Variants in CDH11 observed in about 807,000 individuals in gnomAD.
CDH11 encodes cadherin 11.
Under a neutral mutation model 67.8 loss-of-function variants are expected in CDH11, and 11 were observed. The observed-to-expected ratio is 0.16, with a 90% CI of 0.10 to 0.27. The LOEUF (loss-of-function observed/expected upper bound fraction) is 0.27, where lower values mean the gene tolerates loss of function less well. CDH11 is among the 10% of genes least tolerant of loss of function. CDH11 has a pLI of 1.00. For synonymous variants in CDH11, 419 were observed against 400.0 expected, an observed-to-expected ratio of 1.05 and a Z score of -0.57; for missense variants, 847 against 1,031.2, an observed-to-expected ratio of 0.82 and a Z score of 2.45.
chr16:65,114,649 G>GCAGGCAGGAGGGAACGC (rs1410816837), intron 1 of CDH11, among the ~76,000 whole-genome samples: 5 of 152,102 alleles, frequency 3.3e-5, no homozygotes, highest in Non-Finnish European at 7.3e-5. Context: ...ATTGCAAGGT[G>GCAGGCAGGAGGGAACGC]CAGGCAGGAG....
intron 1 of CDH11, among the ~76,000 whole-genome samples, chr16:65,073,731 T>C (rs891880646): frequency 6.6e-6 from 1 of 152,218 alleles, no homozygotes; most frequent in African/African-American, 2.4e-5. Context: ...AGTGTGCTTC[T>C]GTCACTGTAA....
rs915936573 is a variant in CDH11, at chr16:65,053,518, C to T, written c.-173+286G>A. Among the ~76,000 whole-genome samples, 8 of 152,198 alleles carry T rather than the reference C, an allele frequency of 5.3e-5. No homozygotes were observed. In the East Asian group the frequency reaches 1.5e-3, roughly 29 times the overall value. ...CTCAGTTGGCCTGTTCAGCCGGGTC[C>T]TTGCTAAACAATTATAATCCCTTTA... On this transcript the variant is annotated intron_variant, in intron 2 of 12. Coordinates refer to ENST00000268603, the MANE Select transcript of CDH11 (RefSeq NM_001797.4).
At chr16:64,953,273 T>C (rs1484795256) in intron 11 of CDH11, among the ~76,000 whole-genome samples, 1 of 147,956 alleles carries the variant, frequency 6.8e-6, no homozygotes, top group Non-Finnish European at 1.5e-5. Context: ...TATATAGATA[T>C]ATATATATGT....
At chr16:65,075,053 G>A (rs1344661563) in intron 1 of CDH11, among the ~76,000 whole-genome samples, 6 of 152,124 alleles carry the variant, frequency 3.9e-5, no homozygotes. Flanking sequence ...GTACACCCTG[G>A]CAAACATAAG....
chr16:65,091,695 G>A (rs1355333596), intron 1 of CDH11, among the ~76,000 whole-genome samples: 1 of 151,922 alleles, frequency 6.6e-6, no homozygotes, highest in East Asian at 1.9e-4. Context: ...GAGACTACAG[G>A]CGCCCACCAC....
intron 1 of CDH11, among the ~76,000 whole-genome samples, chr16:65,065,875 GCCTGCTATGTT>G (rs1309212156): frequency 6.6e-6 from 1 of 152,204 alleles, no homozygotes; most frequent in South Asian, 2.1e-4. Flanking sequence ...CAATAGCCAA[GCCTGCTATGTT>G]CCAGATACTG....
upstream of CDH11, among the ~76,000 whole-genome samples, chr16:65,123,323 C>T (rs1285804454): frequency 6.6e-6 from 1 of 151,574 alleles, no homozygotes; most frequent in East Asian, 2.0e-4. Flanking sequence ...CCTAGGGGGA[C>T]GGGGATGAGG....
At chr16:65,042,016 G>A (rs1206808648) in intron 2 of CDH11, among the ~76,000 whole-genome samples, 1 of 152,232 alleles carries the variant, frequency 6.6e-6, no homozygotes, top group African/African-American at 2.4e-5. Context: ...CAGGCTCCAG[G>A]CTTCTGCCCC....
At chr16:65,077,023 T>C (rs888806087) in intron 1 of CDH11, among the ~76,000 whole-genome samples, 3 of 152,086 alleles carry the variant, frequency 2.0e-5, no homozygotes, top group African/African-American at 7.2e-5. Flanking sequence ...CTAAAACCCA[T>C]TGAGGGCATA....
At chr16:65,037,145 A>G (rs977647562) in intron 2 of CDH11, among the ~76,000 whole-genome samples, 6 of 152,154 alleles carry the variant, frequency 3.9e-5, no homozygotes, top group African/African-American at 1.4e-4. Context: ...TCCCTGAGAG[A>G]TCTAAGAAGC....
intron 1 of CDH11, among the ~76,000 whole-genome samples, chr16:65,060,942 C>T (rs968380739): frequency 3.9e-5 from 6 of 152,212 alleles, no homozygotes; most frequent in Admixed American, 6.5e-5. Context: ...CCTCCTGCTT[C>T]AGTAAGTACT....
intron 11 of CDH11, among the ~76,000 whole-genome samples, chr16:64,959,357 G>C (rs929348892): frequency 1.3e-5 from 2 of 152,090 alleles, no homozygotes; most frequent in African/African-American, 4.8e-5. Context: ...TTTTCTCCTT[G>C]TTGGTAGGGT....
intron 1 of CDH11, among the ~76,000 whole-genome samples, chr16:65,112,172 T>C (rs937794444): frequency 1.3e-5 from 2 of 151,932 alleles, no homozygotes; most frequent in African/African-American, 2.4e-5. Flanking sequence ...TTTGGGGAGA[T>C]AGTTTGGCTC....
chr16:64,951,036 A>G lies in CDH11; in HGVS notation c.1643-18T>C. 6.2e-7 allele frequency: 1 copy of G among 1,608,030 alleles called. No individual in the cohort carries two copies. The highest frequency in any genetic ancestry group is 8.5e-7 in the Non-Finnish European group (1 of 1,176,274). Reference sequence around the variant, plus strand: ...TGTGTTATCTGCAGAAAGAGGGGAGACAGGCCGTGCGCCCAGTCAAGACCA... The same window carrying G: ...TGTGTTATCTGCAGAAAGAGGGGAGGCAGGCCGTGCGCCCAGTCAAGACCA... On this transcript the variant is annotated intron_variant, in intron 11 of 12. Coordinates refer to ENST00000268603, the MANE Select transcript of CDH11 (RefSeq NM_001797.4).
At chr16:65,019,221 C>A (rs186583141) in intron 2 of CDH11, among the ~76,000 whole-genome samples, 42 of 152,132 alleles carry the variant, frequency 2.8e-4, no homozygotes, top group Middle Eastern at 3.4e-3. Context: ...GATAAGAAAA[C>A]AATTTACAAT....
intron 4 of CDH11, among the ~76,000 whole-genome samples, chr16:64,995,273 C>T (rs1201949228): frequency 1.3e-5 from 2 of 151,914 alleles, no homozygotes. Context: ...AAAAAAGAGC[C>T]CGAATAGTCA....
intron 1 of CDH11, among the ~76,000 whole-genome samples, chr16:65,114,761 G>A (rs1465048544): frequency 6.6e-6 from 1 of 152,156 alleles, no homozygotes; most frequent in Non-Finnish European, 1.5e-5. Context: ...GCCCAGCCTG[G>A]CTGTGATTTT....
intron 11 of CDH11, among the ~76,000 whole-genome samples, chr16:64,970,065 T>G (rs2071959962): frequency 6.6e-6 from 1 of 152,218 alleles, no homozygotes; most frequent in African/African-American, 2.4e-5. Flanking sequence ...ATTTACAAAT[T>G]GAAACAGGGG....
intron 1 of CDH11, among the ~76,000 whole-genome samples, chr16:65,075,773 C>T (rs1194442093): frequency 1.3e-5 from 2 of 152,168 alleles, no homozygotes; most frequent in Non-Finnish European, 1.5e-5. Context: ...ATTGGATACA[C>T]CAACTCTCTC....
Sources: gnomAD v4.1 joint callset for allele counts (sites outside exome capture counted in the v4.1 genomes callset) on GRCh38, gnomAD v4.1.1 for gene constraint, MANE v1.5 for transcripts, NCBI Gene and HGNC (gene_info 2026-07-23, HGNC 2026-07-21) for gene names.